OSBPL6: variants seen among roughly 807,000 people sequenced by gnomAD.
The protein encoded by OSBPL6 is oxysterol binding protein like 6, also known as oxysterol-binding protein-related protein 6.
In OSBPL6, 49 loss-of-function variants were observed where a neutral mutation model predicts 125.8. That is an observed-to-expected ratio of 0.39 (90% CI 0.31 to 0.49). OSBPL6 has a LOEUF of 0.49. Ranked by LOEUF, OSBPL6 falls within the 20% of genes least tolerant of loss-of-function variation. The pLI, the probability that OSBPL6 is intolerant of heterozygous loss-of-function variation, is 0.88. For missense variants in OSBPL6, 986 were observed against 1,135.4 expected, an observed-to-expected ratio of 0.87 and a Z score of 1.89; for synonymous variants, 394 against 391.8, an observed-to-expected ratio of 1.01 and a Z score of -0.07.
intron 3 of OSBPL6, among the ~76,000 whole-genome samples, chr2:178,306,932 G>A (rs999149648): frequency 2.6e-5 from 4 of 152,286 alleles, no homozygotes; most frequent in South Asian, 4.1e-4. Flanking sequence ...AGCCTTCATC[G>A]TATGAATGTT....
rs987144965 is a variant in OSBPL6, at chr2:178,286,705, G to A, written c.-156+1584G>A. ...CCTGATCTGACTGTTTTGGTTCCAG[G>A]GACGTAAACTGATTCACCAAGTAGC... On this transcript the variant is annotated intron_variant, in intron 2 of 24. Transcript: ENST00000190611. Among the ~76,000 whole-genome samples, 4 of 152,056 alleles carry A rather than the reference G, an allele frequency of 2.6e-5. No homozygotes were observed. The South Asian group carries it at 6.2e-4, about 24-fold the overall frequency.
At chr2:178,302,189 T>C (rs918349430) in intron 2 of OSBPL6, among the ~76,000 whole-genome samples, 1 of 152,204 alleles carries the variant, frequency 6.6e-6, no homozygotes, top group Non-Finnish European at 1.5e-5. Flanking sequence ...GTTACAGCAC[T>C]TAGCAATACT....
intron 2 of OSBPL6, among the ~76,000 whole-genome samples, chr2:178,300,196 G>A (rs929335336): frequency 2.6e-5 from 4 of 152,134 alleles, no homozygotes; most frequent in Non-Finnish European, 5.9e-5. Context: ...CTTACAATTT[G>A]TCCTCACACT....
rs768253065 is a variant in OSBPL6, at chr2:178,361,632, T to C, written c.1154-50T>C. The C allele has an allele frequency of 3.8e-6, 6 of 1,599,302 alleles. No individual in the cohort carries two copies. In the South Asian group the frequency reaches 4.5e-5, roughly 12 times the overall value. On this transcript the variant is annotated intron_variant, in intron 12 of 24. Coordinates refer to ENST00000190611, the MANE Select transcript of OSBPL6 (RefSeq NM_032523.4). The stretch of plus-strand genomic sequence containing the variant: ...CTGGAGAAATTTATAATGTTGTGTA[T>C]TCTTTCTGCACATATCTGACAGTTT...
chr2:178,359,130 C>T (rs1405648520), intron 12 of OSBPL6, among the ~76,000 whole-genome samples: 1 of 152,118 alleles, frequency 6.6e-6, no homozygotes, highest in Non-Finnish European at 1.5e-5. Context: ...GAGCTATGAT[C>T]ACGCCATTGC....
chr2:178,251,074 T>G (rs143606131), intron 1 of OSBPL6, among the ~76,000 whole-genome samples: 1,627 of 152,296 alleles, frequency 0.011, 16 homozygotes, highest in South Asian at 0.028. Flanking sequence ...TGATTCTCTG[T>G]GTTTGTCCAG....
At chr2:178,196,684 T>C (rs1327132563) in intron 1 of OSBPL6, among the ~76,000 whole-genome samples, 1 of 152,202 alleles carries the variant, frequency 6.6e-6, no homozygotes, top group Non-Finnish European at 1.5e-5. Flanking sequence ...GTAAACTGCA[T>C]AAGGAGATAA....
chr2:178,252,057 C>T (rs931763633), intron 1 of OSBPL6, among the ~76,000 whole-genome samples: 4 of 152,118 alleles, frequency 2.6e-5, no homozygotes, highest in Admixed American at 6.5e-5. Flanking sequence ...GGAGATGGCA[C>T]GGGCTGAGTA....
chr2:178,341,428 T>G lies in OSBPL6; in HGVS notation c.987+1664T>G, dbSNP rs369437434. On this transcript the variant is annotated intron_variant, in intron 11 of 24. Transcript: ENST00000190611. Reference sequence around the variant, plus strand: ...TGGTTTTACATAGACAGAAAAGTTATGAAGATTTTTTTGAGTCATCAGGAG... The same window carrying G: ...TGGTTTTACATAGACAGAAAAGTTAGGAAGATTTTTTTGAGTCATCAGGAG... 6.1e-4 allele frequency among the ~76,000 whole-genome samples: 92 copies of G among 152,006 alleles called. 1 individual carries two copies. Among genetic ancestry groups the G allele is most frequent in the African/African-American group, 2.2e-3 (90 of 41,460 alleles).
intron 1 of OSBPL6, among the ~76,000 whole-genome samples, chr2:178,284,697 G>T (rs1684536722): frequency 6.6e-6 from 1 of 152,220 alleles, no homozygotes; most frequent in African/African-American, 2.4e-5. Flanking sequence ...AGCTCTGGGT[G>T]AGATGTAAAT....
At chr2:178,376,508 T>G (rs1343480875) in intron 15 of OSBPL6, among the ~76,000 whole-genome samples, 8 of 152,086 alleles carry the variant, frequency 5.3e-5, no homozygotes. Flanking sequence ...GATCACCCCA[T>G]CAGTCTCATA....
chr2:178,382,890 A>G, intron 16 of OSBPL6, 134 bp from the exon 17 acceptor site: 2 of 1,436,168 alleles, frequency 1.4e-6, no homozygotes, highest in South Asian at 2.9e-5. Flanking sequence ...AAAGAATTCC[A>G]TTTACTTTTG....
intron 11 of OSBPL6, among the ~76,000 whole-genome samples, chr2:178,341,333 C>CTTTTTT (rs60436384): frequency 2.0e-4 from 23 of 117,370 alleles, no homozygotes; most frequent in Non-Finnish European, 1.8e-4. Context: ...CCAAATCATT[C>CTTTTTT]TTTTTTTTTT....
At chr2:178,382,947 T>G in intron 16 of OSBPL6, 77 bp from the exon 17 acceptor site, 1 of 1,546,914 alleles carries the variant, frequency 6.5e-7, no homozygotes, top group South Asian at 1.3e-5. Context: ...TCAGATTTAT[T>G]TGAAAGTTAT....
chr2:178,256,339 G>A (rs377304159), intron 1 of OSBPL6, among the ~76,000 whole-genome samples: 3 of 152,224 alleles, frequency 2.0e-5, no homozygotes, highest in East Asian at 3.8e-4. Context: ...TGGAGTGGGA[G>A]TTTTAGCTTG....
intron 2 of OSBPL6, among the ~76,000 whole-genome samples, chr2:178,290,904 G>C (rs1202291565): frequency 6.6e-6 from 1 of 151,996 alleles, no homozygotes; most frequent in African/African-American, 2.4e-5. Flanking sequence ...ACTTTATGGA[G>C]TCTTAATTTT....
intron 2 of OSBPL6, among the ~76,000 whole-genome samples, chr2:178,296,096 A>C (rs996066175): frequency 5.9e-5 from 9 of 152,130 alleles, no homozygotes; most frequent in African/African-American, 1.9e-4. Flanking sequence ...ATGGGGCCCA[A>C]TTGGCAACTC....
At chr2:178,258,738 G>A (rs1477389810) in intron 1 of OSBPL6, among the ~76,000 whole-genome samples, 1 of 143,952 alleles carries the variant, frequency 6.9e-6, no homozygotes, top group East Asian at 2.0e-4. Context: ...TCCCCATCCT[G>A]CCCAGACCAG....
intron 1 of OSBPL6, among the ~76,000 whole-genome samples, chr2:178,247,966 T>C (rs2153999935): frequency 6.6e-6 from 1 of 152,348 alleles, no homozygotes. Context: ...CTTGAGTCTT[T>C]TGAAGATACT....
Sources: gnomAD v4.1 joint callset for allele counts (sites outside exome capture counted in the v4.1 genomes callset) on GRCh38, gnomAD v4.1.1 for gene constraint, MANE v1.5 for transcripts, NCBI Gene and HGNC (gene_info 2026-07-23, HGNC 2026-07-21) for gene names.